The following BTG3 variants were observed in gnomAD, a reference collection of about 807,000 sequenced individuals.
BTG3 encodes protein BTG3.
Under a neutral mutation model 25.8 loss-of-function variants are expected in BTG3, and 4 were observed. The ratio of observed to expected loss-of-function variants is 0.16; its 90% confidence interval spans 0.08 to 0.36. The LOEUF (loss-of-function observed/expected upper bound fraction) is 0.36, where lower values mean the gene tolerates loss of function less well. BTG3 is among the 10% of genes least tolerant of loss of function. The probability of loss-of-function intolerance (pLI) is 1.00; values close to 1 mark genes in which losing one functional copy is unlikely to be tolerated. For synonymous variants in BTG3, 107 were observed against 99.9 expected (o/e 1.07, Z -0.42); for missense variants, 201 against 304.9 (o/e 0.66, Z 2.54).
chr21:17,609,192 T>C (rs1333244970), intron 1 of BTG3, 40 bp from the exon 2 acceptor site: 2 of 1,576,750 alleles, frequency 1.3e-6, no homozygotes, highest in African/African-American at 2.7e-5. Context: ...AAACAAAATA[T>C]AAAAACTGGG....
At position 17,594,313 on chromosome 21, in the gene BTG3, G is replaced by A; in HGVS notation, c.539C>T (p.Pro180Leu). 6.2e-7 allele frequency: 1 copy of A among 1,612,608 alleles called. No homozygotes were observed. Among genetic ancestry groups the A allele is most frequent in the Non-Finnish European group, 8.5e-7 (1 of 1,179,104 alleles). ...CAAAGGGTGCCACATTGGAAGAGGT[G>A]GAAATATAAGTTCTGAAATCTGTAG... The part of the protein sequence containing the change: ...PVYQISELIF[P>L]PLPMWHPLPR... Residue 180 changes from proline to leucine, a missense_variant, in exon 5 of 5, where the codon CCA becomes CTA. Coordinates refer to ENST00000348354, the MANE Select transcript of BTG3 (RefSeq NM_006806.5).
At chr21:17,602,130 G>A (rs888893605) in intron 3 of BTG3, among the ~76,000 whole-genome samples, 50 of 151,714 alleles carry the variant, frequency 3.3e-4, no homozygotes, top group African/African-American at 1.2e-3. Context: ...ACACTCTATT[G>A]GGGGAAAAAA....
chr21:17,595,766 T>C (rs990706478), intron 4 of BTG3, among the ~76,000 whole-genome samples: 1 of 152,050 alleles, frequency 6.6e-6, no homozygotes, highest in Non-Finnish European at 1.5e-5. Flanking sequence ...GAAGGCTTTA[T>C]AGGCATATTT....
At chr21:17,606,725 C>T (rs887222255) in intron 2 of BTG3, among the ~76,000 whole-genome samples, 25 of 151,998 alleles carry the variant, frequency 1.6e-4, no homozygotes, top group African/African-American at 5.8e-4. Context: ...AACTACTCTT[C>T]AAAAACAAAA....
rs547921341 is a variant in BTG3 at position 17,601,076 on chromosome 21, T to C, written c.312-2252A>G. 1.4e-4 allele frequency among the ~76,000 whole-genome samples: 22 copies of C among 152,112 alleles called. No homozygotes were observed. In the South Asian group the frequency reaches 3.3e-3, roughly 23 times the overall value. ...TACTCGGGAGGCTGAGGCAGGAGAA[T>C]TGCTTGAACCTGGGAGGCAGAGGTT... is the stretch of plus-strand genomic sequence containing the variant. On this transcript the variant is annotated intron_variant, in intron 3 of 4. Transcript: ENST00000348354.
chr21:17,593,906 CTA>C lies in BTG3; in HGVS notation c.*185_*186del. 1.4e-6 allele frequency: 1 copy of C among 739,652 alleles called. No homozygotes were observed. Among genetic ancestry groups the C allele is most frequent in the Non-Finnish European group, 2.0e-6 (1 of 492,384 alleles). 45.8% of individuals were successfully genotyped at this position (739,652 alleles called of 1,614,324 possible). A position where few individuals can be genotyped will look rare whatever the true frequency, so the allele number is the denominator to read the frequency against. On this transcript the variant is annotated 3_prime_UTR_variant, in exon 5 of 5. Transcript: ENST00000348354. ...ACTAACTTTAATAAAATTTCTCAAA[CTA>C]TATCAATATCTAAAGTGCATATATT...
chr21:17,594,089 G>A lies in BTG3; in HGVS notation c.*4C>T, dbSNP rs754020311. On this transcript the variant is annotated 3_prime_UTR_variant, in exon 5 of 5. Coordinates refer to ENST00000348354, the MANE Select transcript of BTG3 (RefSeq NM_006806.5). ...ACATGACACCAACACAATCAAAAAC[G>A]AAGTTAGTGAGGTGCTAACATGTGA... The A allele has an allele frequency of 1.4e-5, 22 of 1,611,322 alleles. No homozygotes were observed. The highest frequency in any genetic ancestry group is 4.0e-5 in the African/African-American group (3 of 74,766).
intron 2 of BTG3, among the ~76,000 whole-genome samples, chr21:17,608,227 G>C (rs1378425793): frequency 1.3e-5 from 2 of 152,150 alleles, no homozygotes; most frequent in Non-Finnish European, 2.9e-5. Context: ...TTTTAAATTA[G>C]CCTGGTGTGT....
chr21:17,598,498 G>T, intron 4 of BTG3, 119 bp downstream of exon 4: 3 of 819,400 alleles, frequency 3.7e-6, no homozygotes, highest in Non-Finnish European at 5.6e-6. Context: ...ATGGGGAAAG[G>T]CAAGAACTAT....
chr21:17,594,973 C>A (rs2061486084), intron 4 of BTG3, among the ~76,000 whole-genome samples: 1 of 151,298 alleles, frequency 6.6e-6, no homozygotes, highest in South Asian at 2.1e-4. Flanking sequence ...AACAAACCTT[C>A]ATGTGTATCC....
chr21:17,611,955 G>A (rs1439459791), intron 1 of BTG3: 3 of 152,306 alleles, frequency 2.0e-5, no homozygotes, highest in African/African-American at 7.2e-5. Context: ...CGTGGGGTGA[G>A]GAGCCCCGGC....
chr21:17,601,487 G>A (rs760147338), intron 3 of BTG3, among the ~76,000 whole-genome samples: 4 of 152,108 alleles, frequency 2.6e-5, no homozygotes, highest in Non-Finnish European at 4.4e-5. Flanking sequence ...TCATGCCACC[G>A]CATTCCAGCC....
In BTG3 at chr21:17,594,045, T is replaced by G. The variant is rs1172875666; in HGVS notation, c.*48A>C. The stretch of plus-strand genomic sequence containing the variant: ...TTTAACTTTTAATGTGTAGTAAGGT[T>G]TATTCTACCTTTTTCTCAACATGAC... On this transcript the variant is annotated 3_prime_UTR_variant, in exon 5 of 5. Transcript: ENST00000348354. 1.9e-6 allele frequency: 3 copies of G among 1,589,058 alleles called. No individual in the cohort carries two copies. Among genetic ancestry groups the G allele is most frequent in the Non-Finnish European group, 2.6e-6 (3 of 1,167,460 alleles).
rs1807591412 is a variant in BTG3 at position 17,597,677 on chromosome 21, A to C, written c.519+940T>G. On this transcript the variant is annotated intron_variant, in intron 4 of 4. Coordinates refer to ENST00000348354, the MANE Select transcript of BTG3 (RefSeq NM_006806.5). ...TATACATAGAATCCTAAATTATGAT[A>C]ATCTTCAGAAATAATCTTCCCCTAA... 2.0e-5 allele frequency among the ~76,000 whole-genome samples: 3 copies of C among 152,098 alleles called. No homozygotes were observed. The South Asian group carries it at 6.2e-4, about 32-fold the overall frequency.
At chr21:17,607,734 T>TA (rs1035170713) in intron 2 of BTG3, among the ~76,000 whole-genome samples, 7 of 152,322 alleles carry the variant, frequency 4.6e-5, no homozygotes, top group African/African-American at 1.7e-4. Flanking sequence ...TATACACAAA[T>TA]AAAAGAGTAT....
chr21:17,608,792 C>A, intron 2 of BTG3, 180 bp downstream of exon 2: 2 of 566,556 alleles, frequency 3.5e-6, no homozygotes, highest in Non-Finnish European at 5.6e-6. Flanking sequence ...TGGGACTCCA[C>A]CACTCCGCCA....
rs573786795 is a variant in BTG3 at position 17,593,719 on chromosome 21, A to G, written c.*374T>C. On this transcript the variant is annotated 3_prime_UTR_variant, in exon 5 of 5. Transcript: ENST00000348354. ...ACACAATTCTCTTAAACAACGACAT[A>G]AAATAGATTTCCTTGTATATAAATA... is the stretch of plus-strand genomic sequence containing the variant. 5.2e-5 allele frequency: 9 copies of G among 173,728 alleles called. No homozygotes were observed. The East Asian group carries it at 1.4e-3, about 28-fold the overall frequency. The allele number at this position is 173,728 out of a possible 1,614,324, so 10.8% of individuals were successfully genotyped here.
chr21:17,602,333 CTA>C (rs1412308159), intron 3 of BTG3, among the ~76,000 whole-genome samples: 2 of 152,102 alleles, frequency 1.3e-5, no homozygotes, highest in Admixed American at 1.3e-4. Flanking sequence ...TAAGTGAAGA[CTA>C]TGAAGAATGT....
chr21:17,595,919 T>C (rs2061498435), intron 4 of BTG3, among the ~76,000 whole-genome samples: 1 of 152,050 alleles, frequency 6.6e-6, no homozygotes, highest in South Asian at 2.1e-4. Context: ...ATCTAGCTGC[T>C]TCACATCCTT....
Sources: gnomAD v4.1 joint callset for allele counts (sites outside exome capture counted in the v4.1 genomes callset) on GRCh38, gnomAD v4.1.1 for gene constraint, MANE v1.5 for transcripts, NCBI Gene and HGNC (gene_info 2026-07-23, HGNC 2026-07-21) for gene names.